NCKAP5: variants seen among roughly 807,000 people sequenced by gnomAD.
NCKAP5 encodes the protein NCK associated protein 5.
A neutral mutation model predicts 167.0 loss-of-function variants in NCKAP5; 92 were observed. That is an observed-to-expected ratio of 0.55 (90% CI 0.47 to 0.66). The LOEUF (loss-of-function observed/expected upper bound fraction) is 0.66, where lower values mean the gene tolerates loss of function less well. NCKAP5 is among the 30% of genes least tolerant of loss of function. NCKAP5 has a pLI of 0.00. For synonymous variants in NCKAP5, 891 were observed against 877.4 expected (o/e 1.02, Z -0.27); for missense variants, 2,378 against 2,315.0 (o/e 1.03, Z -0.56).
chr2:133,630,465 A>G, the NCKAP5 span, among the ~76,000 whole-genome samples: 19 of 152,294 alleles, frequency 1.2e-4, no homozygotes, highest in African/African-American at 4.3e-4. Flanking sequence ...TGAGTATGTG[A>G]GCATAAGGAA....
chr2:133,039,583 A>C (rs1317221293), intron 6 of NCKAP5, among the ~76,000 whole-genome samples: 2 of 152,162 alleles, frequency 1.3e-5, no homozygotes, highest in Non-Finnish European at 2.9e-5. Context: ...CTAACCTAGG[A>C]GATCAAAGAC....
the NCKAP5 span, among the ~76,000 whole-genome samples, chr2:133,667,331 T>C: frequency 6.6e-6 from 1 of 152,004 alleles, no homozygotes; most frequent in Non-Finnish European, 1.5e-5. Context: ...CCTCTCTCTT[T>C]CCTCTCATCC....
At chr2:132,743,566 G>C (rs977674407) in intron 16 of NCKAP5, among the ~76,000 whole-genome samples, 35 of 151,318 alleles carry the variant, frequency 2.3e-4, no homozygotes, top group Admixed American at 9.9e-4. Flanking sequence ...AGTTACAAGA[G>C]GAAATAAAGC....
chr2:133,499,843 C>G (rs1409725206), intron 3 of NCKAP5, among the ~76,000 whole-genome samples: 1 of 152,228 alleles, frequency 6.6e-6, no homozygotes, highest in African/African-American at 2.4e-5. Flanking sequence ...CAGGCGTGAG[C>G]CACCGCGCCT....
the NCKAP5 span, among the ~76,000 whole-genome samples, chr2:133,622,536 T>C: frequency 6.6e-6 from 1 of 151,868 alleles, no homozygotes; most frequent in Non-Finnish European, 1.5e-5. Flanking sequence ...CCTTTCACCA[T>C]AGCTGCAAAC....
intron 6 of NCKAP5, among the ~76,000 whole-genome samples, chr2:133,102,478 G>C (rs1484669619): frequency 6.6e-6 from 1 of 152,026 alleles, no homozygotes; most frequent in African/African-American, 2.4e-5. Context: ...TTTAGCCCAA[G>C]GAAATGACAT....
intron 5 of NCKAP5, among the ~76,000 whole-genome samples, chr2:133,134,977 A>G (rs1436457336): frequency 1.3e-5 from 2 of 152,188 alleles, no homozygotes; most frequent in South Asian, 2.1e-4. Flanking sequence ...TTGGCCCACA[A>G]ATGTTTACTG....
chr2:133,621,188 C>T, the NCKAP5 span, among the ~76,000 whole-genome samples: 9 of 152,008 alleles, frequency 5.9e-5, no homozygotes, highest in Non-Finnish European at 1.3e-4. Context: ...CACAGGTATA[C>T]AATCCAAGGT....
intron 3 of NCKAP5, among the ~76,000 whole-genome samples, chr2:133,392,920 C>G (rs1356126928): frequency 6.6e-6 from 1 of 152,228 alleles, no homozygotes; most frequent in South Asian, 2.1e-4. Context: ...GCAACAGCGT[C>G]GAAAACTGAC....
chr2:133,670,711 A>G, the NCKAP5 span, among the ~76,000 whole-genome samples: 1 of 152,196 alleles, frequency 6.6e-6, no homozygotes, highest in Non-Finnish European at 1.5e-5. Context: ...CTAAGATTTT[A>G]AGCCAAATAT....
At chr2:132,760,655 T>C (rs577947626) in intron 16 of NCKAP5, among the ~76,000 whole-genome samples, 127 of 152,302 alleles carry the variant, frequency 8.3e-4, no homozygotes, top group Non-Finnish European at 1.4e-3. Flanking sequence ...TAATTTTACC[T>C]GGAACTTCAT....
intron 9 of NCKAP5, among the ~76,000 whole-genome samples, chr2:132,876,662 A>G (rs1466811378): frequency 6.6e-6 from 1 of 152,238 alleles, no homozygotes; most frequent in Non-Finnish European, 1.5e-5. Flanking sequence ...GTATTCATGA[A>G]TACAAAATAT....
At chr2:133,504,149 T>C (rs1682787098) in intron 3 of NCKAP5, among the ~76,000 whole-genome samples, 1 of 151,990 alleles carries the variant, frequency 6.6e-6, no homozygotes, top group Non-Finnish European at 1.5e-5. Flanking sequence ...TTAAATCCAA[T>C]TTAAAATGCA....
chr2:133,100,468 G>A (rs1238272601), intron 6 of NCKAP5, among the ~76,000 whole-genome samples: 2 of 152,138 alleles, frequency 1.3e-5, no homozygotes, highest in African/African-American at 2.4e-5. Flanking sequence ...TGGACAACTA[G>A]CAAAAAGCAG....
At chr2:132,770,429 T>C (rs1681934186) in intron 16 of NCKAP5, among the ~76,000 whole-genome samples, 1 of 148,172 alleles carries the variant, frequency 6.7e-6, no homozygotes, top group Non-Finnish European at 1.5e-5. Context: ...ATATAGTATA[T>C]ATATAATATA....
chr2:132,843,752 T>C (rs1688469798), intron 11 of NCKAP5, among the ~76,000 whole-genome samples: 1 of 152,142 alleles, frequency 6.6e-6, no homozygotes, highest in African/African-American at 2.4e-5. Flanking sequence ...TCTCTTATTT[T>C]ATATTGTTAT....
chr2:132,777,488 C>T (rs1682647211), intron 15 of NCKAP5, among the ~76,000 whole-genome samples: 1 of 152,078 alleles, frequency 6.6e-6, no homozygotes, highest in Admixed American at 6.6e-5. Flanking sequence ...CCTGAATCAT[C>T]CTAACACTAA....
At chr2:132,981,292 T>G (rs1190837698) in intron 7 of NCKAP5, among the ~76,000 whole-genome samples, 1 of 152,162 alleles carries the variant, frequency 6.6e-6, no homozygotes, top group Non-Finnish European at 1.5e-5. Context: ...GAACCTGGTT[T>G]GACACTTGGT....
chr2:133,668,648 TAGTTG>T, the NCKAP5 span, among the ~76,000 whole-genome samples: 5 of 150,672 alleles, frequency 3.3e-5, no homozygotes, highest in African/African-American at 1.2e-4. Flanking sequence ...TGTCTTTTTA[TAGTTG>T]AGTTATAAGC....
Sources: gnomAD v4.1 joint callset for allele counts (sites outside exome capture counted in the v4.1 genomes callset) on GRCh38, gnomAD v4.1.1 for gene constraint, MANE v1.5 for transcripts, NCBI Gene and HGNC (gene_info 2026-07-23, HGNC 2026-07-21) for gene names.